The following ERCC6L2 variants were observed in gnomAD, a reference collection of about 807,000 sequenced individuals.
ERCC6L2 encodes ERCC excision repair 6 like 2, also known as DNA excision repair protein ERCC-6-like 2.
A neutral mutation model predicts 132.0 loss-of-function variants in ERCC6L2; 77 were observed. The ratio of observed to expected loss-of-function variants is 0.58; its 90% CI spans 0.49 to 0.71. The LOEUF (loss-of-function observed/expected upper bound fraction) is 0.71. Ranked by LOEUF, ERCC6L2 falls within the 30% of genes least tolerant of loss-of-function variation. The pLI is 0.00. For missense variants in ERCC6L2, 1,542 were observed against 1,837.6 expected, an observed-to-expected ratio of 0.84 and a Z score of 2.94; for synonymous variants, 583 against 632.4, an observed-to-expected ratio of 0.92 and a Z score of 1.17.
downstream of ERCC6L2, among the ~76,000 whole-genome samples, chr9:96,022,054 C>T (rs1834300752): frequency 6.6e-6 from 1 of 152,172 alleles, no homozygotes; most frequent in Non-Finnish European, 1.5e-5. Flanking sequence ...CTCCCGCCTC[C>T]GAAGCCGGCG....
chr9:95,946,378 A>G (rs909476406), intron 12 of ERCC6L2, among the ~76,000 whole-genome samples: 9 of 152,074 alleles, frequency 5.9e-5, no homozygotes, highest in Admixed American at 6.5e-5. Flanking sequence ...AATATCAAAA[A>G]TTAGCCAAGC....
chr9:95,921,126 A>T, intron 6 of ERCC6L2, 49 bp from the exon 7 acceptor site: 1 of 1,499,790 alleles, frequency 6.7e-7, no homozygotes, highest in Non-Finnish European at 9.1e-7. Context: ...GATTTTTATT[A>T]TTGTTATAAA....
At chr9:95,962,151 T>G (rs140156333) in intron 13 of ERCC6L2, among the ~76,000 whole-genome samples, 48 of 152,294 alleles carry the variant, frequency 3.2e-4, no homozygotes, top group African/African-American at 1.0e-3. Context: ...GAAAAAATCT[T>G]TTTAACCACA....
At position 96,013,798 on chromosome 9, in the gene ERCC6L2, A is replaced by G. The variant is rs1302016268; in HGVS notation, c.*595A>G. 2 of 152,218 alleles carry G rather than the reference A, an allele frequency of 1.3e-5. No individual in the cohort carries two copies. Among genetic ancestry groups the G allele is most frequent in the Admixed American group, 6.5e-5 (1 of 15,284 alleles). 9.4% of individuals were successfully genotyped at this position (152,218 alleles called of 1,614,324 possible). On this transcript the variant is annotated 3_prime_UTR_variant, in exon 19 of 19. Transcript: ENST00000653738. ...ATAATATTAAAATGGTAATTTTGCA[A>G]CAGCTCAAAATTAAAAGGTTAATGT...
chr9:95,941,507 A>T lies in ERCC6L2; in HGVS notation c.1805A>T (p.Asp602Val). ...GGTGCCAATGTTGTTGTATTATTTG[A>T]TCCTACTTGGAATCCAGCCAATGAT... ...FVGANVVVLF[D>V]PTWNPANDLQ... The change falls in exon 12 of 19, where the codon GAT (aspartate) becomes GTT (valine). Residue 602 changes from aspartate (D) to valine (V), a missense_variant. Asp to Val is a radical substitution (Grantham distance 152). Around this residue, in one of 4 missense-constraint regions of ERCC6L2, gnomAD observed 945 missense variants for 1,105.2 expected, o/e 0.86. Transcript: ENST00000653738. The T allele has an allele frequency of 6.2e-7, 1 of 1,612,698 alleles. No individual in the cohort carries two copies. Among genetic ancestry groups the T allele is most frequent in the Non-Finnish European group, 8.5e-7 (1 of 1,179,492 alleles).
intron 19 of ERCC6L2, chr9:96,027,750 A>G (rs966131184): frequency 5.2e-5 from 8 of 152,424 alleles, no homozygotes; most frequent in African/African-American, 1.2e-4. Flanking sequence ...CTTTCTCAGC[A>G]TTCTTCGCAG....
intron 17 of ERCC6L2, 80 bp downstream of exon 17, chr9:95,978,295 C>A: frequency 1.1e-6 from 1 of 940,164 alleles, no homozygotes; most frequent in Non-Finnish European, 1.4e-6. Flanking sequence ...TCTCTAAGTA[C>A]TCCCTCAAAA....
downstream of ERCC6L2, chr9:96,021,260 C>T (rs1196556316): frequency 2.9e-6 from 1 of 346,730 alleles, no homozygotes; most frequent in Non-Finnish European, 5.7e-6. This position sits in a 1 kb window ranked among gnomAD's most constrained non-coding sequence, Gnocchi z 4.7. Context: ...CAACCCGTTC[C>T]TCCGAATCAG....
chr9:95,955,520 G>GCAAC (rs1411676073), intron 12 of ERCC6L2, among the ~76,000 whole-genome samples: 1 of 151,452 alleles, frequency 6.6e-6, no homozygotes, highest in Non-Finnish European at 1.5e-5. Context: ...TTATCCCCAA[G>GCAAC]CAACCACTAG....
At chr9:95,968,202 C>T (rs1235386575) in intron 14 of ERCC6L2, 2 of 152,122 alleles carry the variant, frequency 1.3e-5, no homozygotes, top group African/African-American at 4.8e-5. Flanking sequence ...TCTTGTTTCA[C>T]CTTCAGAAGT....
chr9:95,880,756 G>A, intron 1 of ERCC6L2, 113 bp from the exon 2 acceptor site: 1 of 863,694 alleles, frequency 1.2e-6, no homozygotes, highest in Non-Finnish European at 1.8e-6. Flanking sequence ...TCTTGTTCCA[G>A]TTTTTTGGAA....
At chr9:95,966,510 CAT>C in intron 13 of ERCC6L2, 50 bp from the exon 14 acceptor site, 2 of 1,378,596 alleles carry the variant, frequency 1.5e-6, no homozygotes, top group Non-Finnish European at 1.9e-6. Context: ...GAAATTCTGA[CAT>C]ATTGTTGGAG....
chr9:96,033,895 C>T (rs1456722648), intron 19 of ERCC6L2, among the ~76,000 whole-genome samples: 42 of 152,184 alleles, frequency 2.8e-4, no homozygotes, highest in Admixed American at 2.7e-3. Context: ...CATACCGGGG[C>T]TCAGAAGGCC....
intron 18 of ERCC6L2, among the ~76,000 whole-genome samples, chr9:96,006,332 T>G (rs1276464121): frequency 1.3e-5 from 2 of 152,030 alleles, no homozygotes; most frequent in African/African-American, 4.8e-5. Context: ...AGGAGGGAGT[T>G]TGTCAAATAC....
In ERCC6L2 at chr9:95,907,206, G is replaced by A. The variant is rs1829084444; in HGVS notation, c.723G>A (p.Gln241=). 4 of 1,613,342 alleles carry A rather than the reference G, an allele frequency of 2.5e-6. No homozygotes were observed. The East Asian group carries it at 8.9e-5, about 36-fold the overall frequency. ...RKDNELIRVK[Q]RKCEIALTTY... ...ATAATGAATTAATTCGTGTAAAGCAGAGGAAATGTGAAATTGCTCTAACAA... is the reference window on the plus strand; with the variant it reads ...ATAATGAATTAATTCGTGTAAAGCAAAGGAAATGTGAAATTGCTCTAACAA... Residue 241 remains glutamine, a synonymous_variant, in exon 4 of 19, where the codon CAG becomes CAA. Coordinates refer to ENST00000653738, the MANE Select transcript of ERCC6L2 (RefSeq NM_020207.7).
downstream of ERCC6L2, among the ~76,000 whole-genome samples, chr9:96,018,493 CTCTG>C (rs1834229613): frequency 6.6e-6 from 1 of 151,860 alleles, no homozygotes; most frequent in Admixed American, 6.6e-5. Flanking sequence ...CAGAGTCTCA[CTCTG>C]TCACCTAGGT....
chr9:96,002,606 G>A (rs1454262972), intron 17 of ERCC6L2, among the ~76,000 whole-genome samples: 1 of 151,514 alleles, frequency 6.6e-6, no homozygotes, highest in Non-Finnish European at 1.5e-5. Context: ...ATTTTTTTTT[G>A]TAGAGAAAAG....
rs542002376 is a variant in ERCC6L2 at position 96,018,251 on chromosome 9, A to G, written c.*5048A>G. Among the ~76,000 whole-genome samples the G allele has an allele frequency of 7.2e-5, 11 of 152,212 alleles. No homozygotes were observed. Among genetic ancestry groups the G allele is most frequent in the Non-Finnish European group, 1.3e-4 (9 of 68,036 alleles). On this transcript the variant is annotated 3_prime_UTR_variant, in exon 19 of 19. Transcript: ENST00000653738. ...TGCTAAATTTTGTATGTGTTTTACA[A>G]TTTTAAAAATGGAAAAAAAGTAAGA...
intron 3 of ERCC6L2, among the ~76,000 whole-genome samples, chr9:95,906,288 A>AT (rs1216150755): frequency 1.3e-5 from 2 of 152,066 alleles, no homozygotes; most frequent in African/African-American, 2.4e-5. Flanking sequence ...TGTTTTTCGG[A>AT]TTTTTTTAAC....
Sources: allele counts gnomAD v4.1 joint callset (sites outside exome capture counted in the v4.1 genomes callset), GRCh38; gene constraint gnomAD v4.1.1; regional missense constraint gnomAD v4.1.1; non-coding constraint Gnocchi (gnomAD v3.1); transcripts MANE v1.5; gene names NCBI Gene and HGNC (gene_info 2026-07-23, HGNC 2026-07-21).